Variants in OARD1 observed in about 807,000 individuals in gnomAD.
The protein encoded by OARD1 is O-acyl-ADP-ribose deacylase 1, also known as ADP-ribose glycohydrolase OARD1.
In OARD1, 19 loss-of-function variants were observed where a neutral mutation model predicts 19.7. That is an observed-to-expected ratio of 0.96 (90% CI 0.67 to 1.41). The LOEUF (loss-of-function observed/expected upper bound fraction) is 1.41. OARD1 is among the 40% of genes most tolerant of loss of function. The pLI is 0.00. For synonymous variants in OARD1, 70 were observed against 61.8 expected, an observed-to-expected ratio of 1.13 and a Z score of -0.62; for missense variants, 190 against 183.8, an observed-to-expected ratio of 1.03 and a Z score of -0.20.
intron 1 of OARD1, among the ~76,000 whole-genome samples, chr6:41,096,908 G>A (rs925816200): frequency 1.3e-5 from 2 of 152,286 alleles, no homozygotes; most frequent in East Asian, 1.9e-4. Flanking sequence ...TCTGTAAAAC[G>A]AGTACATTAA....
Position 41,070,136 on chromosome 6 carries a change from TA to T in OARD1, c.185-3del. The T allele has an allele frequency of 6.7e-7, 1 of 1,503,246 alleles. No homozygotes were observed. The highest frequency in any genetic ancestry group is 1.7e-4 in the Middle Eastern group (1 of 5,846). 93.1% of individuals were successfully genotyped at this position (1,503,246 alleles called of 1,614,324 possible). ...CAGCCACTTCTCCAGATTTCTTTTCTAAGAAAAAGTTATTTAATAGTAGAAA... is the reference window on the plus strand; with the variant it reads ...CAGCCACTTCTCCAGATTTCTTTTCTAGAAAAAGTTATTTAATAGTAGAAA... On this transcript the variant is annotated splice_polypyrimidine_tract_variant and splice_region_variant and intron_variant, in intron 3 of 5. Coordinates refer to ENST00000424266, the MANE Select transcript of OARD1 (RefSeq NM_001329686.2).
intron 1 of OARD1, among the ~76,000 whole-genome samples, chr6:41,083,158 T>C (rs1287419485): frequency 6.6e-6 from 1 of 152,236 alleles, no homozygotes; most frequent in Non-Finnish European, 1.5e-5. Flanking sequence ...AAAGCACTTT[T>C]AAAGTGCTTC....
chr6:41,078,307 G>A (rs1347628312), intron 1 of OARD1, among the ~76,000 whole-genome samples: 2 of 152,136 alleles, frequency 1.3e-5, no homozygotes, highest in South Asian at 2.1e-4. Flanking sequence ...ATGGAGAGTG[G>A]TACTGTACTT....
intron 5 of OARD1, among the ~76,000 whole-genome samples, chr6:41,067,823 G>A (rs1270133055): frequency 1.3e-5 from 2 of 152,160 alleles, no homozygotes; most frequent in African/African-American, 2.4e-5. Flanking sequence ...GAATGTTAAC[G>A]AAAGTAAGGA....
chr6:41,074,107 GT>G (rs996598506), upstream of OARD1, among the ~76,000 whole-genome samples: 8 of 151,974 alleles, frequency 5.3e-5, no homozygotes, highest in East Asian at 1.9e-4. Context: ...AGTTTTGGGG[GT>G]TTTTTTTCCC....
chr6:41,091,504 GT>G (rs770788706), intron 1 of OARD1: 1 of 1,608,180 alleles, frequency 6.2e-7, no homozygotes, highest in South Asian at 1.1e-5. Flanking sequence ...TTTTTTGTTT[GT>G]TTTATGTTTT....
At chr6:41,088,418 G>A (rs534059129) in intron 1 of OARD1, among the ~76,000 whole-genome samples, 16 of 93,084 alleles carry the variant, frequency 1.7e-4, no homozygotes, top group Non-Finnish European at 2.4e-4. Context: ...GCGACACTCC[G>A]TCTCCAAAAA....
At chr6:41,067,900 T>C (rs958067599) in intron 5 of OARD1, among the ~76,000 whole-genome samples, 1 of 152,160 alleles carries the variant, frequency 6.6e-6, no homozygotes, top group Non-Finnish European at 1.5e-5. Context: ...AATGGTAAGA[T>C]AGTTGCAATC....
upstream of OARD1, chr6:41,075,490 A>G (rs1763708630): frequency 6.6e-6 from 1 of 151,826 alleles, no homozygotes; most frequent in South Asian, 2.1e-4. Context: ...ACAAGCTTCC[A>G]CCAGTCTGCA....
chr6:41,084,747 G>C (rs1013296600), intron 1 of OARD1, among the ~76,000 whole-genome samples: 2 of 152,228 alleles, frequency 1.3e-5, no homozygotes, highest in African/African-American at 4.8e-5. Context: ...TGGATCACTT[G>C]AGGCCAGGAG....
chr6:41,093,127 AG>A (rs763132465), intron 1 of OARD1: 2 of 1,550,954 alleles, frequency 1.3e-6, no homozygotes, highest in Admixed American at 1.8e-5. Flanking sequence ...GGAGAATAGC[AG>A]GGTTCTACTT....
intron 1 of OARD1, chr6:41,094,560 T>C: frequency 8.0e-7 from 1 of 1,250,762 alleles, no homozygotes; most frequent in Non-Finnish European, 1.2e-6. Flanking sequence ...AGTTGAAGCC[T>C]TCAGCAGTGT....
chr6:41,065,095 C>T lies in OARD1; in HGVS notation c.*2240G>A, dbSNP rs190636214. On this transcript the variant is annotated 3_prime_UTR_variant, in exon 6 of 6. Coordinates refer to ENST00000424266, the MANE Select transcript of OARD1 (RefSeq NM_001329686.2). ...GTCGTCGGAATTTGACCCAAGACTACTATCGGCAAATGACAAAGTGCTTTA... is the reference window on the plus strand; with the variant it reads ...GTCGTCGGAATTTGACCCAAGACTATTATCGGCAAATGACAAAGTGCTTTA... 2.6e-5 allele frequency: 4 copies of T among 152,294 alleles called. No individual in the cohort carries two copies. In the East Asian group the frequency reaches 7.7e-4, roughly 29 times the overall value. The allele number at this position is 152,294 out of a possible 1,614,324, so 9.4% of individuals were successfully genotyped here. A position where few individuals can be genotyped will look rare whatever the true frequency, so the allele number is the denominator to read the frequency against.
intron 4 of OARD1, 137 bp from the exon 5 acceptor site, chr6:41,069,090 T>C (rs538737979): frequency 3.9e-4 from 218 of 553,926 alleles, no homozygotes; most frequent in African/African-American, 3.8e-3. Context: ...ATGACAAATG[T>C]CATATTGCCC....
chr6:41,082,806 A>G (rs1003404973), intron 1 of OARD1, among the ~76,000 whole-genome samples: 2 of 152,210 alleles, frequency 1.3e-5, no homozygotes, highest in African/African-American at 4.8e-5. Context: ...AGGGAAAGAG[A>G]TAGCATGAGA....
At chr6:41,075,436 T>C (rs370208331), upstream of OARD1, 9 of 152,360 alleles carry the variant, frequency 5.9e-5, no homozygotes, top group African/African-American at 2.2e-4. Context: ...TTGGCATCTT[T>C]CTAAAAGGCA....
At chr6:41,090,256 G>C in intron 1 of OARD1, 1 of 1,613,992 alleles carries the variant, frequency 6.2e-7, no homozygotes, top group Non-Finnish European at 8.5e-7. Context: ...ACTGCTGAAG[G>C]GCAGACCATC....
intron 1 of OARD1, among the ~76,000 whole-genome samples, chr6:41,094,950 C>A (rs35105472): frequency 6.6e-6 from 1 of 152,054 alleles, no homozygotes; most frequent in South Asian, 2.1e-4. Flanking sequence ...TTTTATTACC[C>A]CATCACAAAT....
At chr6:41,086,928 AT>A (rs1205599442) in intron 1 of OARD1, among the ~76,000 whole-genome samples, 1 of 152,180 alleles carries the variant, frequency 6.6e-6, no homozygotes, top group African/African-American at 2.4e-5. Flanking sequence ...AAATATAAGA[AT>A]TTTTATGCTA....
Sources: gnomAD v4.1 joint callset for allele counts (sites outside exome capture counted in the v4.1 genomes callset) on GRCh38, gnomAD v4.1.1 for gene constraint, MANE v1.5 for transcripts, NCBI Gene and HGNC (gene_info 2026-07-23, HGNC 2026-07-21) for gene names.